The following TRIO variants were observed in gnomAD, a reference collection of about 807,000 sequenced individuals.
The protein encoded by TRIO is triple functional domain protein.
TRIO carries 58 observed loss-of-function variants against 351.9 expected under a neutral mutation model. The observed-to-expected ratio is 0.16, with a 90% confidence interval of 0.13 to 0.21. The LOEUF is 0.21. Among genes scored for constraint, TRIO ranks in the 10% least tolerant of loss-of-function variants. The probability of loss-of-function intolerance (pLI) is 1.00; values close to 1 mark genes in which losing one functional copy is unlikely to be tolerated. For synonymous variants in TRIO, 1,758 were observed against 1,595.7 expected, an observed-to-expected ratio of 1.10 and a Z score of -2.42; for missense variants, 3,201 against 4,027.8, an observed-to-expected ratio of 0.79 and a Z score of 5.56.
At chr5:14,475,484 C>T (rs1294105305) in intron 40 of TRIO, among the ~76,000 whole-genome samples, 2 of 152,208 alleles carry the variant, frequency 1.3e-5, no homozygotes, top group Non-Finnish European at 2.9e-5. Flanking sequence ...TACCGTGTCA[C>T]GTATCAAGTA....
intron 7 of TRIO, 62 bp downstream of exon 7, chr5:14,297,325 A>G (rs1002855373): frequency 1.2e-4 from 190 of 1,534,832 alleles, no homozygotes; most frequent in Non-Finnish European, 3.5e-5. Context: ...CTCCATGAAT[A>G]TTGGTGTGTG....
chr5:14,291,280 G>C (rs1289989081), intron 5 of TRIO, 52 bp downstream of exon 5: 1 of 1,558,752 alleles, frequency 6.4e-7, no homozygotes, highest in South Asian at 1.2e-5. Flanking sequence ...AGCCAGCGCT[G>C]GTGGGTTCGG....
rs894592585 is a variant in TRIO at position 14,377,805 on chromosome 5, T to C, written c.3332-207T>C. Reference sequence around the variant, plus strand: ...CTGACGTTAAATTTCCAGTGGTGTCTTTATCGTAAGATGGTCAAATGGAGG... The same window carrying C: ...CTGACGTTAAATTTCCAGTGGTGTCCTTATCGTAAGATGGTCAAATGGAGG... On this transcript the variant is annotated intron_variant, in intron 19 of 56. Coordinates refer to ENST00000344204, the MANE Select transcript of TRIO (RefSeq NM_007118.4). Among the ~76,000 whole-genome samples, 139 of 152,336 alleles carry C rather than the reference T, an allele frequency of 9.1e-4. 2 individuals carry two copies. Among genetic ancestry groups the C allele is most frequent in the Admixed American group, 8.8e-3 (134 of 15,298 alleles).
intron 11 of TRIO, among the ~76,000 whole-genome samples, chr5:14,353,302 C>G (rs934009328): frequency 2.2e-5 from 3 of 137,942 alleles, no homozygotes; most frequent in Non-Finnish European, 4.6e-5. Flanking sequence ...GAGACTGAGT[C>G]GCCCAGGCTG....
intron 19 of TRIO, among the ~76,000 whole-genome samples, chr5:14,377,774 T>TA (rs1745693999): frequency 1.3e-5 from 2 of 152,230 alleles, no homozygotes; most frequent in Non-Finnish European, 2.9e-5. Context: ...CCGGAGGTAT[T>TA]ACAGACTGAC....
At chr5:14,145,898 C>G (rs1787496149) in intron 1 of TRIO, among the ~76,000 whole-genome samples, 1 of 152,192 alleles carries the variant, frequency 6.6e-6, no homozygotes, top group African/African-American at 2.4e-5. Context: ...TGTTCATGTT[C>G]CGTTTGGGTC....
chr5:14,345,070 G>A (rs932226054), intron 11 of TRIO, among the ~76,000 whole-genome samples: 4 of 152,112 alleles, frequency 2.6e-5, no homozygotes, highest in Non-Finnish European at 5.9e-5. Context: ...TTATCTGAAA[G>A]GAAAGTCCTT....
Position 14,479,303 on chromosome 5 carries a change from C to T in TRIO, c.6196C>T (p.Pro2066Ser), listed in dbSNP as rs1295940544. 6.2e-7 allele frequency: 1 copy of T among 1,613,738 alleles called. No individual in the cohort carries two copies. The highest frequency in any genetic ancestry group is 8.5e-7 in the Non-Finnish European group (1 of 1,179,924). Residue 2066 changes from proline to serine, a missense_variant, in exon 42 of 57, where the codon CCA (proline) becomes TCA (serine). Physicochemically the swap from Pro to Ser is moderately conservative, Grantham distance 74 (BLOSUM62 -1). Coordinates refer to ENST00000344204, the MANE Select transcript of TRIO (RefSeq NM_007118.4). Reference protein sequence around the residue: ...HMYIAYCQNKPKSEHIVSEYI... With the variant: ...HMYIAYCQNKSKSEHIVSEYI... Reference sequence around the variant, plus strand: ...GTACATAGCTTATTGTCAAAATAAACCAAAGTCTGAGCACATTGTCTCAGA... The same window carrying T: ...GTACATAGCTTATTGTCAAAATAAATCAAAGTCTGAGCACATTGTCTCAGA...
chr5:14,244,589 C>A (rs1263096893), intron 1 of TRIO, among the ~76,000 whole-genome samples: 3 of 152,250 alleles, frequency 2.0e-5, no homozygotes, highest in East Asian at 3.9e-4. Flanking sequence ...ATTGTCTTGT[C>A]CTATAATGTT....
At chr5:14,321,857 A>G (rs192190736) in intron 9 of TRIO, among the ~76,000 whole-genome samples, 38 of 152,248 alleles carry the variant, frequency 2.5e-4, no homozygotes, top group Non-Finnish European at 4.1e-4. Context: ...ATGGTTTTAT[A>G]AATGGGAGTT....
intron 4 of TRIO, among the ~76,000 whole-genome samples, chr5:14,290,500 A>G (rs769212778): frequency 6.6e-6 from 1 of 152,182 alleles, no homozygotes; most frequent in African/African-American, 2.4e-5. Context: ...TCCAGCTGAC[A>G]TATATGTGTT....
intron 31 of TRIO, among the ~76,000 whole-genome samples, chr5:14,404,722 C>T (rs994185639): frequency 6.6e-6 from 1 of 152,142 alleles, no homozygotes; most frequent in Non-Finnish European, 1.5e-5. Flanking sequence ...TATGTCACTC[C>T]GGAGAAGAGG....
intron 1 of TRIO, among the ~76,000 whole-genome samples, chr5:14,151,199 A>G (rs1033839360): frequency 2.6e-5 from 4 of 152,194 alleles, no homozygotes; most frequent in African/African-American, 9.7e-5. Context: ...ACAGCTACCT[A>G]TTTCACGGTA....
chr5:14,173,029 C>G (rs1789191052), intron 1 of TRIO, among the ~76,000 whole-genome samples: 1 of 152,104 alleles, frequency 6.6e-6, no homozygotes, highest in South Asian at 2.1e-4. Flanking sequence ...CATTTGCAAG[C>G]AGCAAAATCT....
intron 34 of TRIO, among the ~76,000 whole-genome samples, chr5:14,459,040 A>G (rs1013692335): frequency 2.0e-5 from 3 of 152,350 alleles, no homozygotes; most frequent in Admixed American, 1.3e-4. Context: ...TCTTTAACAG[A>G]TATCAATGGG....
chr5:14,214,641 A>G (rs1792114328), intron 1 of TRIO, among the ~76,000 whole-genome samples: 1 of 152,234 alleles, frequency 6.6e-6, no homozygotes, highest in Non-Finnish European at 1.5e-5. Flanking sequence ...GTGCAGACCT[A>G]TTATGATACA....
intron 1 of TRIO, among the ~76,000 whole-genome samples, chr5:14,169,564 C>T (rs543716519): frequency 2.2e-4 from 34 of 152,204 alleles, no homozygotes; most frequent in Non-Finnish European, 4.6e-4. Flanking sequence ...GTGTTCTTTA[C>T]TTTATTCACC....
intron 21 of TRIO, among the ~76,000 whole-genome samples, chr5:14,382,670 G>A (rs1452194213): frequency 1.3e-5 from 2 of 152,206 alleles, no homozygotes; most frequent in Non-Finnish European, 2.9e-5. Context: ...CACCTGGCTG[G>A]ACAGTTTTCA....
chr5:14,496,724 G>T (rs1036623981), intron 49 of TRIO, among the ~76,000 whole-genome samples, 155 bp from the exon 50 acceptor site: 2 of 152,086 alleles, frequency 1.3e-5, no homozygotes, highest in Non-Finnish European at 2.9e-5. Context: ...TAAAAAAAAG[G>T]AACATTTTCT....
Sources: allele counts gnomAD v4.1 joint callset (sites outside exome capture counted in the v4.1 genomes callset), GRCh38; gene constraint gnomAD v4.1.1; transcripts MANE v1.5; gene names NCBI Gene and HGNC (gene_info 2026-07-23, HGNC 2026-07-21).